Variants in NOS1AP observed in about 807,000 individuals in gnomAD.
NOS1AP encodes nitric oxide synthase 1 adaptor protein.
Under a neutral mutation model 56.2 loss-of-function variants are expected in NOS1AP, and 21 were observed. The ratio of observed to expected loss-of-function variants is 0.37; its 90% CI spans 0.26 to 0.54. The LOEUF is 0.54. NOS1AP is among the 20% of genes least tolerant of loss of function. The pLI, the probability that NOS1AP is intolerant of heterozygous loss-of-function variation, is 0.84. For synonymous variants in NOS1AP, 270 were observed against 274.6 expected (o/e 0.98, Z 0.17); for missense variants, 522 against 657.8 (o/e 0.79, Z 2.26).
chr1:162,124,126 C>T (rs1050379701), intron 1 of NOS1AP, among the ~76,000 whole-genome samples: 2 of 152,038 alleles, frequency 1.3e-5, no homozygotes, highest in Admixed American at 6.6e-5. Flanking sequence ...CTTTCATAAC[C>T]TTATTTTTAA....
At chr1:162,201,044 C>T (rs146437761) in intron 2 of NOS1AP, among the ~76,000 whole-genome samples, 2 of 152,280 alleles carry the variant, frequency 1.3e-5, no homozygotes, top group African/African-American at 4.8e-5. Context: ...TTTTCCTGAT[C>T]CTCTTCCTCC....
intron 1 of NOS1AP, among the ~76,000 whole-genome samples, chr1:162,131,692 G>T (rs915360875): frequency 6.6e-6 from 1 of 152,040 alleles, no homozygotes; most frequent in Non-Finnish European, 1.5e-5. Flanking sequence ...CGTTTTATGG[G>T]CCTCTTGGAC....
intron 2 of NOS1AP, among the ~76,000 whole-genome samples, chr1:162,197,009 G>T (rs958220970): frequency 6.6e-6 from 1 of 152,162 alleles, no homozygotes; most frequent in African/African-American, 2.4e-5. Flanking sequence ...AATAGAGTTT[G>T]TCGGTGGCTC....
At chr1:162,150,616 C>T (rs553061059) in intron 1 of NOS1AP, among the ~76,000 whole-genome samples, 7 of 152,278 alleles carry the variant, frequency 4.6e-5, no homozygotes, top group East Asian at 1.9e-4. Flanking sequence ...CACATCCTTG[C>T]CAGCATTTAT....
At chr1:162,180,436 C>T (rs1300872677) in intron 2 of NOS1AP, among the ~76,000 whole-genome samples, 6 of 151,940 alleles carry the variant, frequency 3.9e-5, no homozygotes, top group Non-Finnish European at 7.4e-5. Flanking sequence ...AGTAGAGGCG[C>T]GCTTTCACCG....
intron 6 of NOS1AP, among the ~76,000 whole-genome samples, chr1:162,352,711 C>A (rs144162064): frequency 3.9e-5 from 6 of 152,168 alleles, no homozygotes; most frequent in African/African-American, 1.2e-4. Flanking sequence ...TCTCCTACAT[C>A]GCTTCTTATA....
intron 1 of NOS1AP, among the ~76,000 whole-genome samples, chr1:162,070,625 G>A (rs900786492): frequency 1.3e-5 from 2 of 152,204 alleles, no homozygotes; most frequent in African/African-American, 2.4e-5. Flanking sequence ...GCACCTGGTC[G>A]TTTAGAATCG....
chr1:162,079,415 T>G (rs1437873834), intron 1 of NOS1AP, among the ~76,000 whole-genome samples: 1 of 152,144 alleles, frequency 6.6e-6, no homozygotes, highest in Non-Finnish European at 1.5e-5. Context: ...TAATTCATGG[T>G]TTATTTTCTG....
At chr1:162,331,758 C>T (rs569376956) in intron 4 of NOS1AP, among the ~76,000 whole-genome samples, 3 of 152,288 alleles carry the variant, frequency 2.0e-5, no homozygotes, top group Non-Finnish European at 2.9e-5. Flanking sequence ...CCTTGGACTG[C>T]CCAAAACTAA....
At chr1:162,111,517 C>A (rs1432097336) in intron 1 of NOS1AP, among the ~76,000 whole-genome samples, 1 of 152,130 alleles carries the variant, frequency 6.6e-6, no homozygotes, top group Admixed American at 6.5e-5. Context: ...TCTTTCAGAC[C>A]ATGGGCTCTG....
chr1:162,359,725 G>A (rs1189342564), intron 8 of NOS1AP, among the ~76,000 whole-genome samples: 3 of 151,356 alleles, frequency 2.0e-5, no homozygotes, highest in Admixed American at 1.3e-4. Flanking sequence ...TACGCGGGGG[G>A]GGGCTGATTT....
At chr1:162,261,507 A>AGAG (rs1654222742) in intron 2 of NOS1AP, among the ~76,000 whole-genome samples, 1 of 18,418 alleles carries the variant, frequency 5.4e-5, no homozygotes, top group African/African-American at 2.6e-4. Context: ...AGAGAGAGAG[A>AGAG]GAGAGAGAGA....
intron 4 of NOS1AP, among the ~76,000 whole-genome samples, chr1:162,321,731 A>ATATATAT (rs1553205807): frequency 2.3e-3 from 292 of 128,462 alleles, no homozygotes; most frequent in South Asian, 4.1e-3. Context: ...AAAAAAAAAA[A>ATATATAT]ATATATATAT....
intron 3 of NOS1AP, among the ~76,000 whole-genome samples, chr1:162,292,457 C>G (rs1161478698): frequency 2.6e-5 from 4 of 152,220 alleles, no homozygotes; most frequent in African/African-American, 9.7e-5. Flanking sequence ...CATGTTTACA[C>G]TTAACAAATC....
intron 1 of NOS1AP, among the ~76,000 whole-genome samples, chr1:162,122,715 C>A (rs1048817289): frequency 2.0e-5 from 3 of 151,912 alleles, no homozygotes; most frequent in African/African-American, 7.3e-5. Flanking sequence ...ACCATGTTGC[C>A]CCAGTTGGTC....
rs572374771 is a variant in NOS1AP at position 162,146,407 on chromosome 1, C to A, written c.106-7998C>A. On this transcript the variant is annotated intron_variant, in intron 1 of 9. Transcript: ENST00000361897. ...CATGCACAGTTGGGGTCCTGAAGAC[C>A]TGGCTGGGGTTTACACATGATTTTG... Among the ~76,000 whole-genome samples the A allele has an allele frequency of 1.5e-3, 233 of 152,276 alleles. 2 individuals are homozygous for A. The highest frequency in any genetic ancestry group is 5.4e-3 in the African/African-American group (225 of 41,558).
chr1:162,345,753 T>G (rs1488388704), intron 6 of NOS1AP, among the ~76,000 whole-genome samples: 1 of 152,238 alleles, frequency 6.6e-6, no homozygotes, highest in African/African-American at 2.4e-5. Context: ...TGCTTTAGTT[T>G]ACTCTTCTGA....
rs374743621 is a variant in NOS1AP at position 162,300,623 on chromosome 1, T to C, written c.271-10T>C. ...GTAACTGAGGACAAGCCTAACTTAT[T>C]CATTTACAGCTTCTTTTATTGCAGA... On this transcript the variant is annotated splice_polypyrimidine_tract_variant and intron_variant, in intron 3 of 9. Coordinates refer to ENST00000361897, the MANE Select transcript of NOS1AP (RefSeq NM_014697.3). 30 of 1,612,900 alleles carry C rather than the reference T, an allele frequency of 1.9e-5. No individual in the cohort carries two copies. In the African/African-American group the frequency reaches 3.9e-4, roughly 21 times the overall value.
At chr1:162,186,395 A>G (rs1306921909) in intron 2 of NOS1AP, among the ~76,000 whole-genome samples, 3 of 151,798 alleles carry the variant, frequency 2.0e-5, no homozygotes, top group South Asian at 2.1e-4. Flanking sequence ...AAAGATGAAG[A>G]AAAAAAACAA....
Sources: gnomAD v4.1 joint callset for allele counts (sites outside exome capture counted in the v4.1 genomes callset) on GRCh38, gnomAD v4.1.1 for gene constraint, MANE v1.5 for transcripts, NCBI Gene and HGNC (gene_info 2026-07-23, HGNC 2026-07-21) for gene names.